Variants in DPY19L1 observed in about 807,000 individuals in gnomAD.
DPY19L1 encodes dpy-19 like C-mannosyltransferase 1, also known as protein C-mannosyl-transferase DPY19L1.
In DPY19L1, 35 loss-of-function variants were observed where a neutral mutation model predicts 96.9. The ratio of observed to expected loss-of-function variants is 0.36; its 90% CI spans 0.28 to 0.48. DPY19L1 has a LOEUF of 0.48. DPY19L1 is among the 20% of genes least tolerant of loss of function. DPY19L1 has a pLI of 0.99. For synonymous variants in DPY19L1, 205 were observed against 252.6 expected, an observed-to-expected ratio of 0.81 and a Z score of 1.79; for missense variants, 521 against 777.9, an observed-to-expected ratio of 0.67 and a Z score of 3.93.
chr7:35,025,971 G>C (rs1786110444), intron 1 of DPY19L1, among the ~76,000 whole-genome samples: 1 of 152,210 alleles, frequency 6.6e-6, no homozygotes, highest in South Asian at 2.1e-4. Context: ...TGCAGCAATA[G>C]AGAGCCACAG....
rs1393367568 is a variant in DPY19L1 at position 34,931,376 on chromosome 7, C to A, written c.*197G>T. 2 of 645,734 alleles carry A rather than the reference C, an allele frequency of 3.1e-6. No homozygotes were observed. Among genetic ancestry groups the A allele is most frequent in the Admixed American group, 8.0e-5 (2 of 24,852 alleles). 40.0% of individuals were successfully genotyped at this position (645,734 alleles called of 1,614,324 possible). On this transcript the variant is annotated 3_prime_UTR_variant, in exon 22 of 22. Coordinates refer to ENST00000638088, the MANE Select transcript of DPY19L1 (RefSeq NM_001366673.1). The stretch of plus-strand genomic sequence containing the variant: ...TTTGCATAGCAAATTTTAAAGGGTG[C>A]ATTGAAATAGTAACCAATTGATAAA...
intron 8 of DPY19L1, among the ~76,000 whole-genome samples, chr7:34,970,791 A>G (rs1784709268): frequency 6.6e-6 from 1 of 152,012 alleles, no homozygotes; most frequent in Admixed American, 6.6e-5. Flanking sequence ...ATTGGTGATC[A>G]AAATAGCTCT....
At chr7:34,952,142 C>T (rs1784282203) in intron 13 of DPY19L1, among the ~76,000 whole-genome samples, 1 of 148,932 alleles carries the variant, frequency 6.7e-6, no homozygotes, top group Admixed American at 6.7e-5. Context: ...AAAAAAAACC[C>T]ACAACAGCTC....
chr7:34,940,066 T>C (rs1274250622), intron 19 of DPY19L1, 87 bp downstream of exon 19: 106 of 1,201,664 alleles, frequency 8.8e-5, no homozygotes, highest in Non-Finnish European at 1.1e-4. Context: ...TGGAAGTAAC[T>C]AGGGTTTAAG....
chr7:35,017,100 G>T (rs1012562053), intron 3 of DPY19L1, among the ~76,000 whole-genome samples: 9 of 151,510 alleles, frequency 5.9e-5, no homozygotes, highest in African/African-American at 1.9e-4. Flanking sequence ...TATGTCTTGT[G>T]CCATGGTTTT....
At chr7:34,962,553 C>T (rs117774676) in intron 10 of DPY19L1, among the ~76,000 whole-genome samples, 4,035 of 152,160 alleles carry the variant, frequency 0.027, 60 homozygotes, top group Non-Finnish European at 0.042. Flanking sequence ...AAATCCAGGC[C>T]GATTGTGGTG....
At position 34,939,294 on chromosome 7, in the gene DPY19L1, T is replaced by G; in HGVS notation, c.1946A>C (p.Tyr649Ser). Residue 649 changes from tyrosine to serine, a missense_variant, in exon 20 of 22, where the codon TAT (tyrosine) becomes TCT (serine). Physicochemically the swap from Tyr to Ser is moderately radical, Grantham distance 144 (BLOSUM62 -2). Coordinates refer to ENST00000638088, the MANE Select transcript of DPY19L1 (RefSeq NM_001366673.1). Reference sequence around the variant, plus strand: ...CACTGACCTCAAGCCTGCGTCTTCATAATGTGGATGATTCACAATGGGCCG... The same window carrying G: ...CACTGACCTCAAGCCTGCGTCTTCAGAATGTGGATGATTCACAATGGGCCG... ...ALRPIVNHPH[Y>S]EDAGLRARTK... 1 of 1,613,654 alleles carries G rather than the reference T, an allele frequency of 6.2e-7. No homozygotes were observed. Among genetic ancestry groups the G allele is most frequent in the Non-Finnish European group, 8.5e-7 (1 of 1,179,922 alleles).
chr7:34,975,608 T>C (rs1784814655), intron 7 of DPY19L1, among the ~76,000 whole-genome samples: 1 of 152,176 alleles, frequency 6.6e-6, no homozygotes, highest in South Asian at 2.1e-4. Context: ...ACAGGGCAGA[T>C]GAAAAAACCT....
Position 35,013,646 on chromosome 7 carries a change from T to C in DPY19L1, c.471A>G (p.Val157=), listed in dbSNP as rs763580160. 3.2e-5 allele frequency: 52 copies of C among 1,606,808 alleles called. No homozygotes were observed. The East Asian group carries it at 1.1e-3, about 34-fold the overall frequency. Residue 157 remains valine (V), a synonymous_variant, in exon 4 of 22, where the codon GTA becomes GTG. Transcript: ENST00000638088. ...IVEAPSFLNG[V]WMIMNDKLTE... ...TCAGTTTATCATTCATAATCATCCA[T>C]ACTCCATTCAAAAATGAGGGTGCTT...
intron 6 of DPY19L1, among the ~76,000 whole-genome samples, chr7:34,995,302 T>C (rs973630315): frequency 6.7e-6 from 1 of 149,590 alleles, no homozygotes; most frequent in Non-Finnish European, 1.5e-5. Flanking sequence ...TCAGTTGATA[T>C]TTTAGCATTC....
At chr7:34,969,296 A>G in intron 9 of DPY19L1, 137 bp downstream of exon 9, 1 of 450,658 alleles carries the variant, frequency 2.2e-6, no homozygotes, top group Non-Finnish European at 3.9e-6. Flanking sequence ...AATGTTTTAG[A>G]AAAACATTTT....
intron 13 of DPY19L1, among the ~76,000 whole-genome samples, chr7:34,950,408 CAT>C (rs992097217): frequency 1.1e-4 from 17 of 152,308 alleles, no homozygotes; most frequent in African/African-American, 3.6e-4. Context: ...TAATTATTCA[CAT>C]GTTATCAAGG....
At chr7:35,003,196 G>C (rs573954300) in intron 6 of DPY19L1, among the ~76,000 whole-genome samples, 11 of 152,250 alleles carry the variant, frequency 7.2e-5, no homozygotes, top group African/African-American at 2.4e-4. Context: ...CTACTCTCAA[G>C]ACCTACCTAC....
rs372577115 is a variant in DPY19L1, at chr7:34,987,495, A to G, written c.822+2389T>C. Among the ~76,000 whole-genome samples the G allele has an allele frequency of 2.0e-5, 3 of 152,140 alleles. No individual in the cohort carries two copies. The East Asian group carries it at 5.8e-4, about 29-fold the overall frequency. On this transcript the variant is annotated intron_variant, in intron 7 of 21. Coordinates refer to ENST00000638088, the MANE Select transcript of DPY19L1 (RefSeq NM_001366673.1). ...TATGAGGAAAAAGAAAATTTTAAAA[A>G]AGTAAACCTATGCTATCTTCACATG...
chr7:34,989,790 G>A (rs1381423806), intron 7 of DPY19L1, 94 bp downstream of exon 7: 2 of 1,069,648 alleles, frequency 1.9e-6, no homozygotes, highest in Non-Finnish European at 2.7e-6. Context: ...AAAATAATAA[G>A]ATCAAACATT....
At chr7:34,934,893 A>G (rs1027586389) in intron 21 of DPY19L1, among the ~76,000 whole-genome samples, 3 of 152,194 alleles carry the variant, frequency 2.0e-5, no homozygotes, top group African/African-American at 7.2e-5. Flanking sequence ...GGGGGCTTGG[A>G]GACCCCTGCT....
intron 7 of DPY19L1, among the ~76,000 whole-genome samples, chr7:34,974,729 T>C (rs551010010): frequency 7.9e-5 from 12 of 152,308 alleles, no homozygotes; most frequent in East Asian, 3.9e-4. Flanking sequence ...CCCTTTACCA[T>C]GCTTCACAGA....
chr7:34,967,543 T>G (rs1042831161), intron 9 of DPY19L1, among the ~76,000 whole-genome samples: 1 of 152,198 alleles, frequency 6.6e-6, no homozygotes, highest in African/African-American at 2.4e-5. Flanking sequence ...TCTTTTCCAT[T>G]TGGAAGAAAA....
At chr7:34,957,602 GAA>G (rs1784406326) in intron 11 of DPY19L1, among the ~76,000 whole-genome samples, 2 of 82,730 alleles carry the variant, frequency 2.4e-5, no homozygotes, top group South Asian at 6.9e-4. Context: ...AACAAAACAA[GAA>G]AAACAAAACA....
Sources: gnomAD v4.1 joint callset for allele counts (sites outside exome capture counted in the v4.1 genomes callset) on GRCh38, gnomAD v4.1.1 for gene constraint, MANE v1.5 for transcripts, NCBI Gene and HGNC (gene_info 2026-07-23, HGNC 2026-07-21) for gene names.